RAPGEF1: variants seen among roughly 807,000 people sequenced by gnomAD.
RAPGEF1 encodes Rap guanine nucleotide exchange factor 1, also known as CRK SH3-binding GNRP.
A neutral mutation model predicts 143.3 loss-of-function variants in RAPGEF1; 33 were observed. The observed-to-expected ratio is 0.23, with a 90% CI of 0.17 to 0.31. The LOEUF (loss-of-function observed/expected upper bound fraction) is 0.31, where lower values mean the gene tolerates loss of function less well. Among genes scored for constraint, RAPGEF1 ranks in the 10% least tolerant of loss-of-function variants. The pLI is 1.00. For missense variants in RAPGEF1, 1,199 were observed against 1,645.4 expected (o/e 0.73, Z 4.69); for synonymous variants, 629 against 676.5 (o/e 0.93, Z 1.09).
Position 131,628,110 on chromosome 9 carries a change from A to G in RAPGEF1, c.1018-14T>C. Reference sequence around the variant, plus strand: ...AACATCAAAATCCTCAAGTGGAAAAAGAAAAACAAAGCCAAATCACTTCTG... The same window carrying G: ...AACATCAAAATCCTCAAGTGGAAAAGGAAAAACAAAGCCAAATCACTTCTG... On this transcript the variant is annotated splice_polypyrimidine_tract_variant and intron_variant, in intron 8 of 26. Transcript: ENST00000683357. This position sits in a 1 kb window ranked among gnomAD's most constrained non-coding sequence, Gnocchi z 5.7. The G allele has an allele frequency of 6.6e-7, 1 of 1,519,774 alleles. No homozygotes were observed. The highest frequency in any genetic ancestry group is 8.8e-7 in the Non-Finnish European group (1 of 1,130,208). The allele number at this position is 1,519,774 out of a possible 1,614,324, so 94.1% of individuals were successfully genotyped here. A position where few individuals can be genotyped will look rare whatever the true frequency, so the allele number is the denominator to read the frequency against.
At chr9:131,728,705 G>A (rs564170914) in intron 1 of RAPGEF1, among the ~76,000 whole-genome samples, 1 of 152,300 alleles carries the variant, frequency 6.6e-6, no homozygotes, top group South Asian at 2.1e-4. Context: ...AATAGTCAGG[G>A]ACCTCCCCTT....
intron 3 of RAPGEF1, among the ~76,000 whole-genome samples, chr9:131,645,409 C>G (rs764909965): frequency 1.3e-5 from 2 of 152,230 alleles, no homozygotes; most frequent in Non-Finnish European, 2.9e-5. Context: ...ATGGGAGGCA[C>G]TCGAAAGTGG....
chr9:131,734,832 C>T (rs1837314028), intron 1 of RAPGEF1, among the ~76,000 whole-genome samples: 2 of 152,170 alleles, frequency 1.3e-5, no homozygotes, highest in African/African-American at 2.4e-5. Context: ...ACAATAAAAG[C>T]ATCTTCACAC....
chr9:131,585,395 G>C (rs747280922), intron 22 of RAPGEF1, among the ~76,000 whole-genome samples: 2 of 152,098 alleles, frequency 1.3e-5, no homozygotes, highest in Non-Finnish European at 2.9e-5. Flanking sequence ...TGTCCAGGCT[G>C]GTCTCGAACT....
At position 131,666,575 on chromosome 9, in the gene RAPGEF1, C is replaced by A. The variant is rs560111684; in HGVS notation, c.62-15626G>T. Reference sequence around the variant, plus strand: ...CTAATTTTTGAATTTTTAGTAGAGACGGTTTCACCATGTTGGCCAGGCTGG... The same window carrying A: ...CTAATTTTTGAATTTTTAGTAGAGAAGGTTTCACCATGTTGGCCAGGCTGG... On this transcript the variant is annotated intron_variant, in intron 1 of 26. Coordinates refer to ENST00000683357, the MANE Select transcript of RAPGEF1 (RefSeq NM_001377935.1). 4.0e-5 allele frequency among the ~76,000 whole-genome samples: 6 copies of A among 151,474 alleles called. No individual in the cohort carries two copies. In the South Asian group the frequency reaches 1.3e-3, roughly 32 times the overall value.
Position 131,587,139 on chromosome 9 carries a change from A to AAC in RAPGEF1, c.3233+595_3233+596dup, listed in dbSNP as rs763365306. Among the ~76,000 whole-genome samples, 24 of 87,756 alleles carry AAC rather than the reference A, an allele frequency of 2.7e-4. 3 individuals are homozygous for AAC. Among genetic ancestry groups the AAC allele is most frequent in the African/African-American group, 1.2e-3 (19 of 15,682 alleles). 57.6% of individuals were successfully genotyped at this position (87,756 alleles called of 152,430 possible). ...ACCTGCAGAGCGAGACTCCGTCTCA[A>AAC]ACACACACACACACACACACCTGCA... On this transcript the variant is annotated intron_variant, in intron 22 of 26. Coordinates refer to ENST00000683357, the MANE Select transcript of RAPGEF1 (RefSeq NM_001377935.1).
intron 1 of RAPGEF1, among the ~76,000 whole-genome samples, chr9:131,721,083 A>G (rs1194439995): frequency 6.6e-6 from 1 of 152,068 alleles, no homozygotes; most frequent in Non-Finnish European, 1.5e-5. Context: ...GCCCCAGACA[A>G]TCCCACCGAC....
chr9:131,608,172 A>T (rs1418316145), intron 12 of RAPGEF1, among the ~76,000 whole-genome samples: 1 of 152,200 alleles, frequency 6.6e-6, no homozygotes, highest in Non-Finnish European at 1.5e-5. Flanking sequence ...GGTTTCTGCG[A>T]CGTTCCGCGA....
chr9:131,699,487 G>A (rs992183080), intron 1 of RAPGEF1, among the ~76,000 whole-genome samples: 7 of 152,068 alleles, frequency 4.6e-5, no homozygotes, highest in South Asian at 2.1e-4. Flanking sequence ...TAGGTGATCC[G>A]CCCGCCTCGG....
intron 1 of RAPGEF1, among the ~76,000 whole-genome samples, chr9:131,703,771 T>C (rs1408523826): frequency 1.3e-5 from 2 of 152,194 alleles, no homozygotes; most frequent in Admixed American, 6.5e-5. Flanking sequence ...CTAGCACATA[T>C]GAAAGGCAGT....
intron 5 of RAPGEF1, among the ~76,000 whole-genome samples, chr9:131,637,396 T>A (rs1017103406): frequency 1.3e-5 from 2 of 152,228 alleles, no homozygotes; most frequent in African/African-American, 4.8e-5. Context: ...ACATATTTCA[T>A]TCTGGAGCAA....
chr9:131,681,868 A>AT (rs1180027893), intron 1 of RAPGEF1, among the ~76,000 whole-genome samples: 1 of 152,174 alleles, frequency 6.6e-6, no homozygotes, highest in Non-Finnish European at 1.5e-5. Context: ...CCATACGTTG[A>AT]TTTTATAGCT....
chr9:131,725,828 G>A (rs1306689484), intron 1 of RAPGEF1, among the ~76,000 whole-genome samples: 5 of 145,734 alleles, frequency 3.4e-5, no homozygotes, highest in South Asian at 2.2e-4. Context: ...GCGTGATCTC[G>A]GCTCACTGCA....
chr9:131,687,316 A>T (rs983472082), intron 1 of RAPGEF1, among the ~76,000 whole-genome samples: 1 of 152,090 alleles, frequency 6.6e-6, no homozygotes, highest in African/African-American at 2.4e-5. Flanking sequence ...TCAGCCTCCC[A>T]AGTAGCTGGG....
rs1343315352 is a variant in RAPGEF1, at chr9:131,627,956, C to T, written c.1158G>A (p.Arg386=). Residue 386 remains arginine (R), a synonymous_variant, in exon 9 of 27, where the codon AGG becomes AGA. Transcript: ENST00000683357. ...TGTTCCGGGAGCACTGCCCACTGTC[C>T]CTGTCCAGAGAGGACAGCTGCTCGT... ...KSDEQLSSLD[R]DSGQCSRNTS... The T allele has an allele frequency of 6.3e-6, 10 of 1,590,290 alleles. No homozygotes were observed. In the Admixed American group the frequency reaches 8.8e-5, roughly 14 times the overall value.
At chr9:131,610,033 A>G (rs111929818) in intron 12 of RAPGEF1, among the ~76,000 whole-genome samples, 13,118 of 151,820 alleles carry the variant, frequency 0.086, 648 homozygotes, top group Middle Eastern at 0.27. Context: ...AATAGGGGGG[A>G]ATATAGGCAT....
intron 1 of RAPGEF1, among the ~76,000 whole-genome samples, chr9:131,722,229 C>T (rs963211571): frequency 1.4e-4 from 21 of 152,192 alleles, no homozygotes; most frequent in Non-Finnish European, 2.8e-4. Context: ...ACTCACACAG[C>T]GGTACCATGC....
intron 1 of RAPGEF1, among the ~76,000 whole-genome samples, chr9:131,691,781 AC>A (rs747957519): frequency 8.5e-5 from 13 of 152,380 alleles, no homozygotes; most frequent in Non-Finnish European, 1.9e-4. Context: ...AAAATTAATT[AC>A]ATGAGACAGA....
rs1486903332 is a variant in RAPGEF1 at position 131,626,210 on chromosome 9, C to T, written c.1414G>A (p.Ala472Thr). The T allele has an allele frequency of 6.2e-7, 1 of 1,613,886 alleles. No homozygotes were observed. Among genetic ancestry groups the T allele is most frequent in the Non-Finnish European group, 8.5e-7 (1 of 1,179,814 alleles). ...APGQQTDTPPALPEKKRRSAA... is the reference protein window; with the variant it reads ...APGQQTDTPPTLPEKKRRSAA... Reference sequence around the variant, plus strand: ...CTCCTGCGCTTCTTCTCGGGGAGAGCAGGTGGCGTATCTGTCTGCTGCCCT... The same window carrying T: ...CTCCTGCGCTTCTTCTCGGGGAGAGTAGGTGGCGTATCTGTCTGCTGCCCT... The change falls in exon 10 of 27, where the codon GCT becomes ACT. Residue 472 changes from alanine to threonine, a missense_variant. Physicochemically the swap from Ala to Thr is moderately conservative, Grantham distance 58. This residue lies in a region of RAPGEF1 where 613 missense variants were observed against 710.9 expected (regional missense o/e 0.86). Coordinates refer to ENST00000683357, the MANE Select transcript of RAPGEF1 (RefSeq NM_001377935.1).
Sources: gnomAD v4.1 joint callset for allele counts (sites outside exome capture counted in the v4.1 genomes callset) on GRCh38, gnomAD v4.1.1 for gene constraint, gnomAD v4.1.1 regional missense constraint, Gnocchi (gnomAD v3.1) non-coding constraint, MANE v1.5 for transcripts, NCBI Gene and HGNC (gene_info 2026-07-23, HGNC 2026-07-21) for gene names.